The following MEGF6 variants were observed in gnomAD, a reference collection of about 807,000 sequenced individuals.
The protein encoded by MEGF6 is multiple EGF like domains 6.
A neutral mutation model predicts 207.1 loss-of-function variants in MEGF6; 184 were observed. The ratio of observed to expected loss-of-function variants is 0.89; its 90% CI spans 0.79 to 1.00. The LOEUF (loss-of-function observed/expected upper bound fraction) is 1.00, where lower values mean the gene tolerates loss of function less well. Among genes scored for constraint, MEGF6 ranks in the 50% least tolerant of loss-of-function variants. The pLI is 0.00. For missense variants in MEGF6, 2,282 were observed against 2,202.9 expected (o/e 1.04, Z -0.72); for synonymous variants, 1,038 against 910.0 (o/e 1.14, Z -2.53).
intron 4 of MEGF6, among the ~76,000 whole-genome samples, chr1:3,559,178 G>A (rs1643118285): frequency 6.6e-6 from 1 of 152,218 alleles, no homozygotes; most frequent in African/African-American, 2.4e-5. Flanking sequence ...AACCCTGGGG[G>A]CCTCTGCAGT....
chr1:3,535,867 G>C (rs1642313067), intron 4 of MEGF6, among the ~76,000 whole-genome samples: 1 of 152,218 alleles, frequency 6.6e-6, no homozygotes, highest in Non-Finnish European at 1.5e-5. Flanking sequence ...CCAGGGGAAT[G>C]GCTCGGGCAG....
intron 4 of MEGF6, among the ~76,000 whole-genome samples, chr1:3,562,956 C>T (rs1643245521): frequency 6.6e-6 from 1 of 152,130 alleles, no homozygotes; most frequent in Non-Finnish European, 1.5e-5. Flanking sequence ...TCAGGCGCCC[C>T]CAGGCCATGG....
chr1:3,538,134 C>A (rs753026731), intron 4 of MEGF6, among the ~76,000 whole-genome samples: 1 of 152,230 alleles, frequency 6.6e-6, no homozygotes, highest in Non-Finnish European at 1.5e-5. Context: ...GCAAGTGGCA[C>A]GTGGATCTGC....
intron 5 of MEGF6, among the ~76,000 whole-genome samples, chr1:3,523,167 G>A (rs1174078527): frequency 2.0e-5 from 3 of 152,014 alleles, no homozygotes; most frequent in Non-Finnish European, 4.4e-5. Flanking sequence ...GCCCTGCTCC[G>A]GGCCTCCAAG....
At chr1:3,527,995 G>A (rs930642658) in intron 4 of MEGF6, among the ~76,000 whole-genome samples, 1 of 152,250 alleles carries the variant, frequency 6.6e-6, no homozygotes, top group African/African-American at 2.4e-5. Context: ...TCTGGCAGTG[G>A]CAGGGGGCTG....
chr1:3,596,994 C>T (rs1281751912), intron 2 of MEGF6, among the ~76,000 whole-genome samples: 1 of 152,158 alleles, frequency 6.6e-6, no homozygotes, highest in African/African-American at 2.4e-5. Context: ...CCCAACAGGC[C>T]GCCAACCACC....
intron 9 of MEGF6, among the ~76,000 whole-genome samples, chr1:3,511,348 T>C (rs909228324): frequency 6.6e-6 from 1 of 152,152 alleles, no homozygotes; most frequent in Non-Finnish European, 1.5e-5. Context: ...GGCGGGCCGA[T>C]GTGGGCACCA....
At chr1:3,498,878 C>T (rs1014242562) in intron 24 of MEGF6, 52 bp from the exon 25 acceptor site, 1 of 1,537,712 alleles carries the variant, frequency 6.5e-7, no homozygotes, top group South Asian at 1.2e-5. Context: ...GCTGGCCCCA[C>T]AGGGTCTGTC....
chr1:3,522,055 G>A (rs1279225615), intron 5 of MEGF6, among the ~76,000 whole-genome samples: 2 of 152,208 alleles, frequency 1.3e-5, no homozygotes, highest in African/African-American at 2.4e-5. Flanking sequence ...CCTGTTCCCA[G>A]GGGGTGAAAC....
chr1:3,515,762 G>T (rs1402378020), intron 5 of MEGF6, among the ~76,000 whole-genome samples: 1 of 152,232 alleles, frequency 6.6e-6, no homozygotes, highest in Non-Finnish European at 1.5e-5. Context: ...GCCTGTGGGG[G>T]ATTCACTGGA....
In MEGF6 at chr1:3,499,152, G is replaced by A. The variant is rs572501815; in HGVS notation, c.3080C>T (p.Pro1027Leu). Residue 1027 changes from proline (P) to leucine (L), a missense_variant, in exon 24 of 37, where the codon CCC becomes CTC. Physicochemically the swap from Pro to Leu is moderately conservative, Grantham distance 98 (BLOSUM62 -3). Coordinates refer to ENST00000356575, the MANE Select transcript of MEGF6 (RefSeq NM_001409.4). The part of the protein sequence containing the change: ...QCHCAPGWMG[P>L]SCLQACPAGL... ...ATGTGGCTTACCCTGCAGGCAGGAG[G>A]GCCCCATCCAGCCAGGGGCACAGTG... 65 of 1,604,446 alleles carry A rather than the reference G, an allele frequency of 4.1e-5. No individual in the cohort carries two copies. The South Asian group carries it at 6.5e-4, about 16-fold the overall frequency.
Position 3,499,683 on chromosome 1 carries a change from C to A in MEGF6, c.2870G>T (p.Arg957Leu), listed in dbSNP as rs374957582. 5.6e-6 allele frequency: 9 copies of A among 1,601,552 alleles called. No homozygotes were observed. The highest frequency in any genetic ancestry group is 2.2e-5 in the South Asian group (2 of 88,998). ...TCCGGCGGTGCAGTTGCAGGCACTG[C>A]GACAGTCCAATCCAAAGAAGCCGGC... is the stretch of plus-strand genomic sequence containing the variant. The part of the protein sequence containing the change: ...CPAGFFGLDC[R>L]SACNCTAGAA... Residue 957 changes from arginine to leucine, a missense_variant, in exon 23 of 37, where the codon CGC becomes CTC. Arg to Leu is a moderately radical substitution (Grantham distance 102, BLOSUM62 -2). Transcript: ENST00000356575.
chr1:3,560,157 A>G lies in MEGF6; in HGVS notation c.481+19668T>C, dbSNP rs1005107107. Reference sequence around the variant, plus strand: ...GCTTTTTTTTTTTCTTTTAACTAATAGATTTTATTTTTTAAAGCACTTTTA... The same window carrying G: ...GCTTTTTTTTTTTCTTTTAACTAATGGATTTTATTTTTTAAAGCACTTTTA... On this transcript the variant is annotated intron_variant, in intron 4 of 36. Coordinates refer to ENST00000356575, the MANE Select transcript of MEGF6 (RefSeq NM_001409.4). This position sits in a 1 kb window ranked among gnomAD's most constrained non-coding sequence, Gnocchi z 4.0. Among the ~76,000 whole-genome samples the G allele has an allele frequency of 6.6e-6, 1 of 151,248 alleles. No individual in the cohort carries two copies. Among genetic ancestry groups the G allele is most frequent in the African/African-American group, 2.4e-5 (1 of 41,132 alleles).
In MEGF6 at chr1:3,579,856, G is replaced by T. The variant is rs1005847615; in HGVS notation, c.450C>A (p.Pro150=). The part of the protein sequence containing the change: ...VPGSAQPCHC[P]PGFQGPRCQY... The stretch of plus-strand genomic sequence containing the variant: ...GACAGCGGGGTCCCTGGAAGCCGGG[G>T]GGACAGTGACACGGCTGGGCTGAGC... Residue 150 remains proline, a synonymous_variant, in exon 4 of 37, where the codon CCC becomes CCA. Transcript: ENST00000356575. 1 of 1,540,916 alleles carries T rather than the reference G, an allele frequency of 6.5e-7. No homozygotes were observed. Among genetic ancestry groups the T allele is most frequent in the African/African-American group, 1.4e-5 (1 of 70,040 alleles).
intron 3 of MEGF6, among the ~76,000 whole-genome samples, chr1:3,584,821 G>A (rs1643870517): frequency 1.3e-5 from 2 of 152,368 alleles, no homozygotes. Context: ...AGGCATGGGC[G>A]GGTGGTAAGG....
At position 3,594,158 on chromosome 1, in the gene MEGF6, G is replaced by A. The variant is rs1259874285; in HGVS notation, c.376+1180C>T. ...ACGTGGAGCGTGCTGGCGGGACATG[G>A]TGGCTCACACCTGTAATCCCAGCAC... On this transcript the variant is annotated intron_variant, in intron 3 of 36. Transcript: ENST00000356575. The surrounding 1 kb of genome is among the most constrained non-coding windows in gnomAD (Gnocchi z 4.2). 6.6e-6 allele frequency among the ~76,000 whole-genome samples: 1 copy of A among 152,244 alleles called. No homozygotes were observed. Among genetic ancestry groups the A allele is most frequent in the Non-Finnish European group, 1.5e-5 (1 of 68,046 alleles).
At chr1:3,581,409 C>T (rs544735309) in intron 3 of MEGF6, among the ~76,000 whole-genome samples, 3 of 152,256 alleles carry the variant, frequency 2.0e-5, no homozygotes, top group South Asian at 2.1e-4. Flanking sequence ...AGGATGTGTC[C>T]GAACGCGATA....
rs1296947927 is a variant in MEGF6 at position 3,573,182 on chromosome 1, A to G, written c.481+6643T>C. 2.3e-5 allele frequency among the ~76,000 whole-genome samples: 3 copies of G among 129,648 alleles called. No individual in the cohort carries two copies. Among genetic ancestry groups the G allele is most frequent in the African/African-American group, 9.0e-5 (3 of 33,430 alleles). 85.1% of individuals were successfully genotyped at this position (129,648 alleles called of 152,430 possible). On this transcript the variant is annotated intron_variant, in intron 4 of 36. Coordinates refer to ENST00000356575, the MANE Select transcript of MEGF6 (RefSeq NM_001409.4). The surrounding 1 kb of genome is among the most constrained non-coding windows in gnomAD (Gnocchi z 5.1). ...TCAGGTGTGCTGGGTCCTCCCTGGT[A>G]TGCTGGGTCCTCCTGCGTGTGCTGC...
rs189732078 is a variant in MEGF6, at chr1:3,488,186, G to A, written c.*2342C>T. ...TGTTTTTCCGTCGTCATTTGTAACC[G>A]TTAACATTAGGATCTGTGAGCGTGT... On this transcript the variant is annotated 3_prime_UTR_variant, in exon 37 of 37. Coordinates refer to ENST00000356575, the MANE Select transcript of MEGF6 (RefSeq NM_001409.4). Among the ~76,000 whole-genome samples, 3 of 152,232 alleles carry A rather than the reference G, an allele frequency of 2.0e-5. No individual in the cohort carries two copies. The highest frequency in any genetic ancestry group is 1.3e-4 in the Admixed American group (2 of 15,284).
Sources: gnomAD v4.1 joint callset for allele counts (sites outside exome capture counted in the v4.1 genomes callset) on GRCh38, gnomAD v4.1.1 for gene constraint, Gnocchi (gnomAD v3.1) non-coding constraint, MANE v1.5 for transcripts, NCBI Gene and HGNC (gene_info 2026-07-23, HGNC 2026-07-21) for gene names.